The following ABCA13 variants were observed in gnomAD, a reference collection of about 807,000 sequenced individuals.
The protein encoded by ABCA13 is ATP-binding cassette sub-family A member 13.
ABCA13 carries 476 observed loss-of-function variants against 478.7 expected under a neutral mutation model. The ratio of observed to expected loss-of-function variants is 0.99; its 90% CI spans 0.92 to 1.07. The LOEUF (loss-of-function observed/expected upper bound fraction) is 1.07. Among genes scored for constraint, ABCA13 ranks in the 50% least tolerant of loss-of-function variants. The pLI is 0.00. For synonymous variants in ABCA13, 2,252 were observed against 2,158.9 expected (o/e 1.04, Z -1.20); for missense variants, 6,060 against 5,910.6 (o/e 1.03, Z -0.83).
chr7:48,576,648 G>A (rs571014524), intron 55 of ABCA13, among the ~76,000 whole-genome samples: 1 of 152,206 alleles, frequency 6.6e-6, no homozygotes, highest in African/African-American at 2.4e-5. Flanking sequence ...CATCAGTGGT[G>A]CTCCTGTGTA....
intron 27 of ABCA13, among the ~76,000 whole-genome samples, 157 bp downstream of exon 27, chr7:48,317,453 T>C (rs372648167): frequency 6.6e-6 from 1 of 152,204 alleles, no homozygotes; most frequent in South Asian, 2.1e-4. Flanking sequence ...TTTCCTGTCA[T>C]TGTTATTGTT....
chr7:48,291,900 G>C (rs771670146), intron 20 of ABCA13, among the ~76,000 whole-genome samples: 1 of 152,012 alleles, frequency 6.6e-6, no homozygotes. Flanking sequence ...CTCAGCTCCC[G>C]GCACTTTCCC....
chr7:48,176,803 T>C (rs1794944585), intron 1 of ABCA13, among the ~76,000 whole-genome samples: 1 of 152,188 alleles, frequency 6.6e-6, no homozygotes, highest in Non-Finnish European at 1.5e-5. Context: ...AAATCACTTT[T>C]TTTCCTTTAA....
chr7:48,462,452 C>CG (rs1057140105), intron 43 of ABCA13, among the ~76,000 whole-genome samples: 7 of 152,012 alleles, frequency 4.6e-5, no homozygotes, highest in African/African-American at 1.7e-4. Context: ...TTCCCCCCCC[C>CG]CTACTGTTTC....
At chr7:48,406,851 T>C (rs1818325508) in intron 39 of ABCA13, among the ~76,000 whole-genome samples, 1 of 151,880 alleles carries the variant, frequency 6.6e-6, no homozygotes, top group Non-Finnish European at 1.5e-5. Flanking sequence ...CCAGCCTGGG[T>C]GACAGAGCAA....
At chr7:48,389,557 C>T (rs760591178) in intron 37 of ABCA13, among the ~76,000 whole-genome samples, 7 of 152,164 alleles carry the variant, frequency 4.6e-5, no homozygotes, top group Non-Finnish European at 1.0e-4. Flanking sequence ...CAGCGTTTGT[C>T]CTACTAAGTA....
chr7:48,226,004 G>A (rs1178880908), intron 5 of ABCA13, among the ~76,000 whole-genome samples: 1 of 152,288 alleles, frequency 6.6e-6, no homozygotes, highest in South Asian at 2.1e-4. Context: ...GGGCAATGGG[G>A]ACAAGAAAGA....
intron 59 of ABCA13, among the ~76,000 whole-genome samples, chr7:48,629,004 C>T (rs1793921387): frequency 6.6e-6 from 1 of 152,218 alleles, no homozygotes; most frequent in Non-Finnish European, 1.5e-5. Flanking sequence ...TGCCATTTAT[C>T]TTTAGACAGG....
intron 59 of ABCA13, among the ~76,000 whole-genome samples, chr7:48,621,479 A>G (rs1322712002): frequency 6.6e-6 from 1 of 152,180 alleles, no homozygotes; most frequent in Admixed American, 6.6e-5. Context: ...GGTGTCTGAA[A>G]ACCCAGGGGT....
chr7:48,308,134 T>C (rs1180257104), intron 23 of ABCA13, among the ~76,000 whole-genome samples: 3 of 152,250 alleles, frequency 2.0e-5, no homozygotes, highest in Non-Finnish European at 4.4e-5. Flanking sequence ...TTTTAACTTT[T>C]AAAATCGTAT....
chr7:48,376,296 A>C (rs1813469453), intron 34 of ABCA13, 145 bp from the exon 35 acceptor site: 1 of 855,356 alleles, frequency 1.2e-6, no homozygotes. Flanking sequence ...TTTCATGAAA[A>C]GTTATGGCCA....
chr7:48,500,255 C>G (rs1434182347), intron 48 of ABCA13, among the ~76,000 whole-genome samples: 2 of 152,104 alleles, frequency 1.3e-5, no homozygotes, highest in Non-Finnish European at 2.9e-5. Context: ...TAACGTTTTA[C>G]AATTTTAAAG....
At chr7:48,291,719 C>T (rs559664285) in intron 20 of ABCA13, among the ~76,000 whole-genome samples, 23 of 152,310 alleles carry the variant, frequency 1.5e-4, no homozygotes, top group African/African-American at 5.5e-4. Flanking sequence ...AAACTACTCA[C>T]AACTTTGTTA....
intron 15 of ABCA13, among the ~76,000 whole-genome samples, chr7:48,257,535 C>T (rs1793574296): frequency 1.3e-5 from 2 of 152,048 alleles, no homozygotes; most frequent in African/African-American, 4.8e-5. Context: ...TTATCAATAG[C>T]CTTTTCTGCA....
chr7:48,391,513 C>A (rs1034034204), intron 37 of ABCA13, among the ~76,000 whole-genome samples: 1 of 152,104 alleles, frequency 6.6e-6, no homozygotes, highest in Non-Finnish European at 1.5e-5. Flanking sequence ...TTATAAAATA[C>A]GCTTTGTGAT....
chr7:48,299,049 C>T lies in ABCA13; in HGVS notation c.9321+562C>T, dbSNP rs1799785278. ...GCAACAAACCAAGGGATGAGTAACA[C>T]ATACGGGCCACATGGGGTATGGTTT... On this transcript the variant is annotated intron_variant, in intron 23 of 61. Transcript: ENST00000435803. Among the ~76,000 whole-genome samples, 3 of 152,254 alleles carry T rather than the reference C, an allele frequency of 2.0e-5. No homozygotes were observed. The South Asian group carries it at 6.2e-4, about 32-fold the overall frequency.
chr7:48,245,706 C>A, intron 12 of ABCA13, 94 bp downstream of exon 12: 1 of 1,461,858 alleles, frequency 6.8e-7, no homozygotes, highest in Admixed American at 2.2e-5. Flanking sequence ...GTGAATTGTG[C>A]TAGCTAAAAA....
In ABCA13 at chr7:48,438,884, G is replaced by GT. The variant is rs59630845; in HGVS notation, c.12565+11028dup. Among the ~76,000 whole-genome samples the GT allele has an allele frequency of 4.3e-3, 594 of 139,324 alleles. 1 individual carries two copies. The highest frequency in any genetic ancestry group is 4.1e-3 in the Admixed American group (56 of 13,770). The allele number at this position is 139,324 out of a possible 152,430, so 91.4% of individuals were successfully genotyped here. On this transcript the variant is annotated intron_variant, in intron 42 of 61. Transcript: ENST00000435803. Reference sequence around the variant, plus strand: ...AACTGCAGAAGACAATTTTGCTAAGGTTTTTTTTTTTTTTTAAAAAACTAA... The same window carrying GT: ...AACTGCAGAAGACAATTTTGCTAAGGTTTTTTTTTTTTTTTTAAAAAACTAA...
At chr7:48,186,831 G>A (rs1328884731) in intron 1 of ABCA13, among the ~76,000 whole-genome samples, 1 of 151,888 alleles carries the variant, frequency 6.6e-6, no homozygotes, top group East Asian at 1.9e-4. Flanking sequence ...GTCGTTTCTA[G>A]TCAGCATACT....
Sources: gnomAD v4.1 joint callset for allele counts (sites outside exome capture counted in the v4.1 genomes callset) on GRCh38, gnomAD v4.1.1 for gene constraint, MANE v1.5 for transcripts, NCBI Gene and HGNC (gene_info 2026-07-23, HGNC 2026-07-21) for gene names.